COL7A1: variants seen among roughly 807,000 people sequenced by gnomAD.
The protein encoded by COL7A1 is collagen alpha-1(VII) chain.
COL7A1 carries 296 observed loss-of-function variants against 456.2 expected under a neutral mutation model. The ratio of observed to expected loss-of-function variants is 0.65; its 90% CI spans 0.59 to 0.71. COL7A1 has a LOEUF of 0.71. Ranked by LOEUF, COL7A1 falls within the 30% of genes least tolerant of loss-of-function variation. The pLI is 0.00. For missense variants in COL7A1, 3,441 were observed against 4,017.2 expected (o/e 0.86, Z 3.88); for synonymous variants, 1,464 against 1,525.9 (o/e 0.96, Z 0.95).
Position 48,590,074 on chromosome 3 carries a change from C to T in COL7A1, c.2050+139G>A, listed in dbSNP as rs979277877. The T allele has an allele frequency of 2.0e-5, 18 of 917,262 alleles. No homozygotes were observed. The East Asian group carries it at 3.6e-4, about 18-fold the overall frequency. The allele number at this position is 917,262 out of a possible 1,614,324, so 56.8% of individuals were successfully genotyped here. ...ACAGCTGAAACTGAAGAGGAAGCAG[C>T]GTCTCTGAGGGAGGAGGGAGTGGGA... is the stretch of plus-strand genomic sequence containing the variant. On this transcript the variant is annotated intron_variant, in intron 16 of 118. Transcript: ENST00000681320. This position sits in a 1 kb window ranked among gnomAD's most constrained non-coding sequence, Gnocchi z 4.6.
In COL7A1 at chr3:48,592,201, A is replaced by G; in HGVS notation, c.1141T>C (p.Leu381=). 1 of 1,614,124 alleles carries G rather than the reference A, an allele frequency of 6.2e-7. No homozygotes were observed. The highest frequency in any genetic ancestry group is 8.5e-7 in the Non-Finnish European group (1 of 1,180,030). The change falls in exon 10 of 119, where the codon TTG becomes CTG. Residue 381 remains leucine (L), a synonymous_variant. Coordinates refer to ENST00000681320, the MANE Select transcript of COL7A1 (RefSeq NM_000094.4). The surrounding 1 kb of genome is among the most constrained non-coding windows in gnomAD (Gnocchi z 7.6). Reference sequence around the variant, plus strand: ...GTGCCAGGCTCCAAGTCACGCAGCAACACTGAACCCTGCCCAGGGCCCAGC... The same window carrying G: ...GTGCCAGGCTCCAAGTCACGCAGCAGCACTGAACCCTGCCCAGGGCCCAGC... The part of the protein sequence containing the change: ...QELGPGQGSV[L]LRDLEPGTDY...
chr3:48,567,812 C>G lies in COL7A1; in HGVS notation c.7929+26G>C, dbSNP rs373279464. The stretch of plus-strand genomic sequence containing the variant: ...GAGCCTTAGGCCCCAGGCCACGTAG[C>G]CCCCCAGCCCCCATCCCCTCTGTAC... On this transcript the variant is annotated intron_variant, in intron 107 of 118. Transcript: ENST00000681320. The surrounding 1 kb of genome is among the most constrained non-coding windows in gnomAD (Gnocchi z 4.3). The G allele has an allele frequency of 6.2e-6, 10 of 1,613,944 alleles. No individual in the cohort carries two copies. The highest frequency in any genetic ancestry group is 8.5e-6 in the Non-Finnish European group (10 of 1,179,998).
At position 48,583,217 on chromosome 3, in the gene COL7A1, G is replaced by A. The variant is rs2044911672; in HGVS notation, c.4438-46C>T. The A allele has an allele frequency of 1.2e-6, 2 of 1,610,940 alleles. No individual in the cohort carries two copies. The highest frequency in any genetic ancestry group is 1.7e-5 in the Admixed American group (1 of 59,676). ...AAAGACAGAGAGAGAGAGGGTTGGT[G>A]GCGGGGCTTGAACGTCAAACCCCAG... On this transcript the variant is annotated intron_variant, in intron 42 of 118. Transcript: ENST00000681320. The surrounding 1 kb of genome is among the most constrained non-coding windows in gnomAD (Gnocchi z 5.1).
In COL7A1 at chr3:48,590,932, G is replaced by T; in HGVS notation, c.1637-116C>A. The T allele has an allele frequency of 1.9e-6, 2 of 1,072,948 alleles. No homozygotes were observed. The highest frequency in any genetic ancestry group is 2.8e-6 in the Non-Finnish European group (2 of 722,304). 66.5% of individuals were successfully genotyped at this position (1,072,948 alleles called of 1,614,324 possible). On this transcript the variant is annotated intron_variant, in intron 13 of 118. Coordinates refer to ENST00000681320, the MANE Select transcript of COL7A1 (RefSeq NM_000094.4). This position sits in a 1 kb window ranked among gnomAD's most constrained non-coding sequence, Gnocchi z 4.6. ...AGGGCCATGGGGGTGGGGATGTGGG[G>T]TGGTGGGGACCAGAGAGCTGGGATA...
rs1364234353 is a variant in COL7A1, at chr3:48,588,015, T to A, written c.2711-76A>T. On this transcript the variant is annotated intron_variant, in intron 21 of 118. Coordinates refer to ENST00000681320, the MANE Select transcript of COL7A1 (RefSeq NM_000094.4). The surrounding 1 kb of genome is among the most constrained non-coding windows in gnomAD (Gnocchi z 4.6). ...TGGGGGCATTAAAGGGCCTGCCCAC[T>A]TCACTGGCTCTGTTAACTGGGTTCA... 1 of 1,496,672 alleles carries A rather than the reference T, an allele frequency of 6.7e-7. No individual in the cohort carries two copies. Among genetic ancestry groups the A allele is most frequent in the Non-Finnish European group, 9.0e-7 (1 of 1,105,706 alleles). 92.7% of individuals were successfully genotyped at this position (1,496,672 alleles called of 1,614,324 possible).
In COL7A1 at chr3:48,567,407, C is replaced by T. The variant is rs1376276156; in HGVS notation, c.8046+167G>A. On this transcript the variant is annotated intron_variant, in intron 109 of 118. Transcript: ENST00000681320. This position sits in a 1 kb window ranked among gnomAD's most constrained non-coding sequence, Gnocchi z 4.3. ...CACCTCCCATGCTTTCATCCTAACT[C>T]CACTGTGACCCCAACCCACCTTGAC... The T allele has an allele frequency of 2.9e-6, 3 of 1,041,346 alleles. No homozygotes were observed. Among genetic ancestry groups the T allele is most frequent in the Non-Finnish European group, 4.4e-6 (3 of 687,846 alleles). The allele number at this position is 1,041,346 out of a possible 1,614,324, so 64.5% of individuals were successfully genotyped here. A position where few individuals can be genotyped will look rare whatever the true frequency, so the allele number is the denominator to read the frequency against.
At position 48,587,266 on chromosome 3, in the gene COL7A1, G is replaced by A. The variant is rs139371408; in HGVS notation, c.3063C>T (p.Gly1021=). Residue 1021 remains glycine, a synonymous_variant, in exon 24 of 119, where the codon GGC becomes GGT. Coordinates refer to ENST00000681320, the MANE Select transcript of COL7A1 (RefSeq NM_000094.4). The surrounding 1 kb of genome is among the most constrained non-coding windows in gnomAD (Gnocchi z 6.1). Reference sequence around the variant, plus strand: ...GCGTCAGGGAGAAGATGTAAGAGACGCCAGGCTCTAGCCCTGTCACCCGCT... The same window carrying A: ...GCGTCAGGGAGAAGATGTAAGAGACACCAGGCTCTAGCCCTGTCACCCGCT... ...SSQRVTGLEP[G]VSYIFSLTPV... 19 of 1,611,412 alleles carry A rather than the reference G, an allele frequency of 1.2e-5. No homozygotes were observed. In the East Asian group the frequency reaches 1.3e-4, roughly 11 times the overall value.
intron 36 of COL7A1, 25 bp from the exon 37 acceptor site, chr3:48,584,400 G>A (rs760234061): frequency 3.1e-6 from 5 of 1,613,524 alleles, no homozygotes; most frequent in Non-Finnish European, 3.4e-6. Context: ...AAAGTATAAG[G>A]TGCAACCCCA....
rs886041186 is a variant in COL7A1 at position 48,593,231 on chromosome 3, G to A, written c.553C>T (p.Arg185Ter). ...TCACTGGTGGGCTGTGAGGCAACTC[G>A]CTTCAGCTCCTCAGGGTCAGCATTC... is the stretch of plus-strand genomic sequence containing the variant. ...IKNADPEELK[R>*]VASQPTSDFF... The change falls in exon 6 of 119, where the codon CGA becomes TGA. Residue 185 changes from arginine (R) to a stop codon, truncating the protein, a stop_gained. Transcript: ENST00000681320. LOFTEE classifies it high-confidence loss of function. This position sits in a 1 kb window ranked among gnomAD's most constrained non-coding sequence, Gnocchi z 4.4. 6 of 1,613,996 alleles carry A rather than the reference G, an allele frequency of 3.7e-6. No homozygotes were observed. The highest frequency in any genetic ancestry group is 1.1e-5 in the South Asian group (1 of 91,084).
chr3:48,585,564 C>T lies in COL7A1; in HGVS notation c.3887G>A (p.Gly1296Asp). 1.9e-6 allele frequency: 3 copies of T among 1,613,928 alleles called. No homozygotes were observed. The highest frequency in any genetic ancestry group is 1.1e-5 in the South Asian group (1 of 91,082). ...QGPPGSATAK[G>D]ERGFPGADGR... is the part of the protein sequence containing the mutation. Reference sequence around the variant, plus strand: ...GATGGTCTCCACACTCACCCTCTCGCCCTTGGCAGTGGCACTTCCAGGGGG... The same window carrying T: ...GATGGTCTCCACACTCACCCTCTCGTCCTTGGCAGTGGCACTTCCAGGGGG... The change falls in exon 32 of 119, where the codon GGC becomes GAC. Residue 1296 changes from glycine (G) to aspartate (D), a missense_variant. Physicochemically the swap from Gly to Asp is moderately conservative, Grantham distance 94. Coordinates refer to ENST00000681320, the MANE Select transcript of COL7A1 (RefSeq NM_000094.4). The surrounding 1 kb of genome is among the most constrained non-coding windows in gnomAD (Gnocchi z 4.5).
rs780052490 is a variant in COL7A1 at position 48,574,481 on chromosome 3, G to A, written c.6456+7C>T. 2 of 1,614,102 alleles carry A rather than the reference G, an allele frequency of 1.2e-6. No homozygotes were observed. Among genetic ancestry groups the A allele is most frequent in the East Asian group, 2.2e-5 (1 of 44,886 alleles). ...TGCACATGTGTGGCTGTTGGGCAAG[G>A]ACTTACCGGGTTGCCGTCCTGACCC... On this transcript the variant is annotated splice_region_variant and intron_variant, in intron 79 of 118. Transcript: ENST00000681320. This position sits in a 1 kb window ranked among gnomAD's most constrained non-coding sequence, Gnocchi z 5.0.
rs908283742 is a variant in COL7A1, at chr3:48,565,330, C to T, written c.8527+80G>A. The T allele has an allele frequency of 1.7e-5, 26 of 1,521,316 alleles. No individual in the cohort carries two copies. The highest frequency in any genetic ancestry group is 5.9e-5 in the South Asian group (5 of 85,206). 94.2% of individuals were successfully genotyped at this position (1,521,316 alleles called of 1,614,324 possible). A position where few individuals can be genotyped will look rare whatever the true frequency, so the allele number is the denominator to read the frequency against. ...CTGCATGCAGACCCTACGTGCTTGG[C>T]GTGTGCCCTGCATTCATGGACACCC... On this transcript the variant is annotated intron_variant, in intron 116 of 118. Coordinates refer to ENST00000681320, the MANE Select transcript of COL7A1 (RefSeq NM_000094.4). The surrounding 1 kb of genome is among the most constrained non-coding windows in gnomAD (Gnocchi z 4.5).
In COL7A1 at chr3:48,566,325, G is replaced by A; in HGVS notation, c.8359-10C>T. The A allele has an allele frequency of 1.2e-6, 2 of 1,605,150 alleles. No individual in the cohort carries two copies. Among genetic ancestry groups the A allele is most frequent in the Non-Finnish European group, 1.7e-6 (2 of 1,176,288 alleles). ...CCCGGATGTCATCCTCCTGGGAGCA[G>A]AAGACCACAGGGACCATAAAGAACC... On this transcript the variant is annotated splice_polypyrimidine_tract_variant and intron_variant, in intron 113 of 118. Coordinates refer to ENST00000681320, the MANE Select transcript of COL7A1 (RefSeq NM_000094.4). The surrounding 1 kb of genome is among the most constrained non-coding windows in gnomAD (Gnocchi z 5.9).
rs369453291 is a variant in COL7A1 at position 48,573,270 on chromosome 3, C to T, written c.6652-34G>A. ...AGAGAAAGTTCAGGGCAGTGCCAAC[C>T]CCACCCATCTCCCTATGACCCTAAC... On this transcript the variant is annotated intron_variant, in intron 84 of 118. Transcript: ENST00000681320. The surrounding 1 kb of genome is among the most constrained non-coding windows in gnomAD (Gnocchi z 5.5). 8.7e-6 allele frequency: 14 copies of T among 1,613,926 alleles called. No individual in the cohort carries two copies. In the African/African-American group the frequency reaches 1.9e-4, roughly 22 times the overall value.
At position 48,579,362 on chromosome 3, in the gene COL7A1, C is replaced by G. The variant is rs116455408; in HGVS notation, c.5307+7G>C. Reference sequence around the variant, plus strand: ...TCATGTCCTGAGAAACCCCCACACCCTCTCACCTTTTCTCCTGCTGGGCCT... The same window carrying G: ...TCATGTCCTGAGAAACCCCCACACCGTCTCACCTTTTCTCCTGCTGGGCCT... On this transcript the variant is annotated splice_region_variant and intron_variant, in intron 61 of 118. Transcript: ENST00000681320. The surrounding 1 kb of genome is among the most constrained non-coding windows in gnomAD (Gnocchi z 4.4). 7.3e-4 allele frequency: 1,178 copies of G among 1,614,210 alleles called. 8 individuals carry two copies. In the African/African-American group the frequency reaches 0.015, roughly 20 times the overall value.
intron 66 of COL7A1, 26 bp downstream of exon 66, chr3:48,576,966 G>C (rs1412881087): frequency 6.2e-7 from 1 of 1,613,956 alleles, no homozygotes; most frequent in South Asian, 1.1e-5. Flanking sequence ...GCAGAGACCA[G>C]AGAGACCCCA....
chr3:48,572,303 T>C lies in COL7A1; in HGVS notation c.6978+77A>G. On this transcript the variant is annotated intron_variant, in intron 90 of 118. Transcript: ENST00000681320. The surrounding 1 kb of genome is among the most constrained non-coding windows in gnomAD (Gnocchi z 4.6). ...GAGGGTCATGAGGGTGGGTAAACTATGGGTCGAAGGTCAGAAGTTAGGCCA... is the reference window on the plus strand; with the variant it reads ...GAGGGTCATGAGGGTGGGTAAACTACGGGTCGAAGGTCAGAAGTTAGGCCA... 1 of 1,613,096 alleles carries C rather than the reference T, an allele frequency of 6.2e-7. No individual in the cohort carries two copies. The highest frequency in any genetic ancestry group is 8.5e-7 in the Non-Finnish European group (1 of 1,179,130).
At position 48,586,994 on chromosome 3, in the gene COL7A1, G is replaced by T. The variant is rs778344373; in HGVS notation, c.3254C>A (p.Pro1085His). ...VLERLVLALG[P>H]LGPQAVQVGL... Reference sequence around the variant, plus strand: ...AACCTGAACTGCCTGTGGCCCAAGAGGCCCAAGTGCCAACACCAGACGCTC... The same window carrying T: ...AACCTGAACTGCCTGTGGCCCAAGATGCCCAAGTGCCAACACCAGACGCTC... The change falls in exon 25 of 119, where the codon CCT (proline) becomes CAT (histidine). Residue 1085 changes from proline to histidine, a missense_variant. Physicochemically the swap from Pro to His is moderately conservative, Grantham distance 77 (BLOSUM62 -2). Transcript: ENST00000681320. This position sits in a 1 kb window ranked among gnomAD's most constrained non-coding sequence, Gnocchi z 5.1. 1 of 1,598,830 alleles carries T rather than the reference G, an allele frequency of 6.3e-7. No individual in the cohort carries two copies. Among genetic ancestry groups the T allele is most frequent in the Admixed American group, 1.7e-5 (1 of 57,528 alleles).
In COL7A1 at chr3:48,583,736, AG is replaced by A. The variant is rs753185460; in HGVS notation, c.4322del (p.Pro1441LeufsTer269). The A allele has an allele frequency of 1.2e-6, 2 of 1,613,972 alleles. No individual in the cohort carries two copies. The highest frequency in any genetic ancestry group is 1.1e-5 in the South Asian group (1 of 91,072). On this transcript the variant is annotated frameshift_variant, in exon 40 of 119. Transcript: ENST00000681320. LOFTEE classifies it high-confidence loss of function. This position sits in a 1 kb window ranked among gnomAD's most constrained non-coding sequence, Gnocchi z 5.1. ...SPGPQGPVGPPGKKGEKGDSE... is the reference protein window; with the variant it reads ...SPGPQGPVGPXGKKGEKGDSE... ...TTCCTACTTTTTCTCCTTTCTTTCC[AG>A]GGGGGCCAACGGGGCCTTGGGGTCC...
Sources: gnomAD v4.1 joint callset for allele counts on GRCh38, gnomAD v4.1.1 for gene constraint, Gnocchi (gnomAD v3.1) non-coding constraint, MANE v1.5 for transcripts, NCBI Gene and HGNC (gene_info 2026-07-23, HGNC 2026-07-21) for gene names.